The following FAM241A variants were observed in gnomAD, a reference collection of about 807,000 sequenced individuals.
FAM241A encodes the protein uncharacterized protein FAM241A.
FAM241A carries 7 observed loss-of-function variants against 12.2 expected under a neutral mutation model. The ratio of observed to expected loss-of-function variants is 0.58; its 90% CI spans 0.33 to 1.08. The LOEUF is 1.08. Among genes scored for constraint, FAM241A ranks in the 50% least tolerant of loss-of-function variants. The probability of loss-of-function intolerance (pLI) is 0.04; values close to 1 mark genes in which losing one functional copy is unlikely to be tolerated. For synonymous variants in FAM241A, 74 were observed against 68.2 expected, an observed-to-expected ratio of 1.08 and a Z score of -0.42; for missense variants, 161 against 169.7, an observed-to-expected ratio of 0.95 and a Z score of 0.29.
intron 1 of FAM241A, among the ~76,000 whole-genome samples, chr4:112,158,460 T>G (rs1723396160): frequency 6.6e-6 from 1 of 152,134 alleles, no homozygotes; most frequent in Non-Finnish European, 1.5e-5. Flanking sequence ...TTTAATGAGC[T>G]CCTACTATTT....
At chr4:112,180,480 C>A (rs1255745165) in intron 1 of FAM241A, among the ~76,000 whole-genome samples, 1 of 152,036 alleles carries the variant, frequency 6.6e-6, no homozygotes, top group Non-Finnish European at 1.5e-5. Flanking sequence ...TGTTTGTTAA[C>A]AACAGTTAAA....
rs926936282 is a variant in FAM241A at position 112,187,587 on chromosome 4, T to C, written c.*649T>C. ...GGTTAAATATAACTTTTTTAAAATG[T>C]AACATTTGGACCTAGACCTACTTTA... On this transcript the variant is annotated 3_prime_UTR_variant, in exon 2 of 2. Coordinates refer to ENST00000309733, the MANE Select transcript of FAM241A (RefSeq NM_152400.3). 3 of 152,610 alleles carry C rather than the reference T, an allele frequency of 2.0e-5. No individual in the cohort carries two copies. The highest frequency in any genetic ancestry group is 4.4e-5 in the Non-Finnish European group (3 of 68,006). The allele number at this position is 152,610 out of a possible 1,614,324, so 9.5% of individuals were successfully genotyped here.
chr4:112,173,804 A>C (rs1723770408), intron 1 of FAM241A, among the ~76,000 whole-genome samples: 1 of 150,644 alleles, frequency 6.6e-6, no homozygotes, highest in Admixed American at 6.6e-5. Context: ...AAGTTGTCTC[A>C]CAGTTCACCA....
rs972135983 is a variant in FAM241A, at chr4:112,171,622, G to A, written c.154-15071G>A. ...CGCCTGTGATCCCAGCACTTTGGGA[G>A]GCCGAGGCGGGCGAATCACGAGGTT... On this transcript the variant is annotated intron_variant, in intron 1 of 1. Coordinates refer to ENST00000309733, the MANE Select transcript of FAM241A (RefSeq NM_152400.3). 5 of 543,304 alleles carry A rather than the reference G, an allele frequency of 9.2e-6. No individual in the cohort carries two copies. In the African/African-American group the frequency reaches 9.6e-5, roughly 10 times the overall value. 33.7% of individuals were successfully genotyped at this position (543,304 alleles called of 1,614,324 possible).
At chr4:112,172,672 C>T (rs1723747943) in intron 1 of FAM241A, among the ~76,000 whole-genome samples, 2 of 152,086 alleles carry the variant, frequency 1.3e-5, no homozygotes, top group Admixed American at 1.3e-4. Flanking sequence ...AACCTCCACA[C>T]TAGATTGTTA....
chr4:112,163,563 C>T (rs1723526769), intron 1 of FAM241A, among the ~76,000 whole-genome samples: 1 of 152,194 alleles, frequency 6.6e-6, no homozygotes, highest in South Asian at 2.1e-4. Context: ...TGAAAAAATG[C>T]TCACCATCAC....
chr4:112,148,549 A>G (rs150237453), intron 1 of FAM241A, among the ~76,000 whole-genome samples: 1 of 152,148 alleles, frequency 6.6e-6, no homozygotes, highest in Admixed American at 6.5e-5. Context: ...AAGTCACTTA[A>G]GAAAGGAGGC....
chr4:112,174,443 A>G (rs758899356), intron 1 of FAM241A, among the ~76,000 whole-genome samples: 1 of 152,214 alleles, frequency 6.6e-6, no homozygotes, highest in Non-Finnish European at 1.5e-5. Context: ...GAAGAGCTCC[A>G]TAGATTTCCC....
At position 112,191,946 on chromosome 4, in the gene FAM241A, C is replaced by G. The variant is rs887522377; in HGVS notation, c.*5008C>G. ...CAATGCCTGGGACATAATAGGCCAT[C>G]AAAATATTTATCAAGTAAACCCACT... On this transcript the variant is annotated 3_prime_UTR_variant, in exon 2 of 2. Transcript: ENST00000309733. 6.6e-6 allele frequency: 1 copy of G among 152,100 alleles called. No homozygotes were observed. Among genetic ancestry groups the G allele is most frequent in the Non-Finnish European group, 1.5e-5 (1 of 68,022 alleles). 9.4% of individuals were successfully genotyped at this position (152,100 alleles called of 1,614,324 possible).
chr4:112,184,917 A>G (rs917534331), intron 1 of FAM241A, among the ~76,000 whole-genome samples: 1 of 152,198 alleles, frequency 6.6e-6, no homozygotes, highest in African/African-American at 2.4e-5. Context: ...TGTAAGTTTG[A>G]TTCAGATGTT....
At chr4:112,178,982 C>T (rs957970288) in intron 1 of FAM241A, among the ~76,000 whole-genome samples, 5 of 151,938 alleles carry the variant, frequency 3.3e-5, no homozygotes, top group African/African-American at 9.7e-5. Context: ...CAGATGCTGG[C>T]GAGGCTGTGG....
intron 1 of FAM241A, among the ~76,000 whole-genome samples, chr4:112,154,170 A>G (rs1723304337): frequency 1.3e-5 from 2 of 152,238 alleles, no homozygotes; most frequent in South Asian, 4.1e-4. Flanking sequence ...TTTCACTGCC[A>G]CAAATTGAGA....
At chr4:112,179,939 G>A (rs201038671) in intron 1 of FAM241A, among the ~76,000 whole-genome samples, 1,119 of 75,266 alleles carry the variant, frequency 0.015, 3 homozygotes, top group African/African-American at 0.038. Context: ...ATATATATAT[G>A]TATATGTGTG....
chr4:112,161,906 T>C (rs1277388699), intron 1 of FAM241A, among the ~76,000 whole-genome samples: 2 of 152,126 alleles, frequency 1.3e-5, no homozygotes, highest in Non-Finnish European at 1.5e-5. Context: ...TGCAGAAATC[T>C]TCAATAAAAT....
chr4:112,170,787 T>C (rs562897750), intron 1 of FAM241A, among the ~76,000 whole-genome samples: 1 of 152,152 alleles, frequency 6.6e-6, no homozygotes, highest in African/African-American at 2.4e-5. Context: ...GGGGGACTAC[T>C]GTAGTATGAA....
chr4:112,184,584 T>G (rs115254111), intron 1 of FAM241A, among the ~76,000 whole-genome samples: 1 of 152,296 alleles, frequency 6.6e-6, no homozygotes, highest in Admixed American at 6.5e-5. Context: ...GAACACATGA[T>G]GTAGACTCAA....
At chr4:112,182,002 CAA>C (rs1245530839) in intron 1 of FAM241A, among the ~76,000 whole-genome samples, 1 of 152,090 alleles carries the variant, frequency 6.6e-6, no homozygotes, top group Non-Finnish European at 1.5e-5. Context: ...TTGGAATAGT[CAA>C]GAGATCTTAG....
intron 1 of FAM241A, among the ~76,000 whole-genome samples, chr4:112,156,855 T>C (rs1307434286): frequency 6.6e-6 from 1 of 152,166 alleles, no homozygotes; most frequent in Non-Finnish European, 1.5e-5. Context: ...TATTTAAAAA[T>C]TATCACAATA....
intron 1 of FAM241A, among the ~76,000 whole-genome samples, chr4:112,156,148 G>A (rs1380000082): frequency 6.6e-6 from 1 of 152,160 alleles, no homozygotes; most frequent in Non-Finnish European, 1.5e-5. Flanking sequence ...AACTTAATAT[G>A]TACTAGTTCA....
Sources: allele counts gnomAD v4.1 joint callset (sites outside exome capture counted in the v4.1 genomes callset), GRCh38; gene constraint gnomAD v4.1.1; transcripts MANE v1.5; gene names NCBI Gene and HGNC (gene_info 2026-07-23, HGNC 2026-07-21).